PTK2B: variants seen among roughly 807,000 people sequenced by gnomAD.
PTK2B encodes the protein protein-tyrosine kinase 2-beta.
In PTK2B, 71 loss-of-function variants were observed where a neutral mutation model predicts 142.9. The ratio of observed to expected loss-of-function variants is 0.50; its 90% confidence interval spans 0.41 to 0.61. The LOEUF is 0.61. Among genes scored for constraint, PTK2B ranks in the 20% least tolerant of loss-of-function variants. PTK2B has a pLI of 0.00. For synonymous variants in PTK2B, 519 were observed against 503.4 expected (o/e 1.03, Z -0.42); for missense variants, 1,105 against 1,320.4 (o/e 0.84, Z 2.53).
At position 27,363,342 on chromosome 8, in the gene PTK2B, G is replaced by A. The variant is rs145641073; in HGVS notation, c.-37-34206G>A. Among the ~76,000 whole-genome samples the A allele has an allele frequency of 1.4e-3, 208 of 152,334 alleles. 1 individual carries two copies. Among genetic ancestry groups the A allele is most frequent in the African/African-American group, 4.8e-3 (198 of 41,578 alleles). ...TTTTCCACTAGTGAAAGGTCAGGAGGTGGAAGTGAGATGGGTTTTGTTCTG... is the reference window on the plus strand; with the variant it reads ...TTTTCCACTAGTGAAAGGTCAGGAGATGGAAGTGAGATGGGTTTTGTTCTG... On this transcript the variant is annotated intron_variant, in intron 1 of 30. Coordinates refer to ENST00000346049, the MANE Select transcript of PTK2B (RefSeq NM_173176.3). The surrounding 1 kb of genome is among the most constrained non-coding windows in gnomAD (Gnocchi z 4.3).
rs116993936 is a variant in PTK2B, at chr8:27,392,797, A to G, written c.-37-4751A>G. Among the ~76,000 whole-genome samples, 5 of 152,210 alleles carry G rather than the reference A, an allele frequency of 3.3e-5. No homozygotes were observed. The East Asian group carries it at 7.7e-4, about 24-fold the overall frequency. Reference sequence around the variant, plus strand: ...GTCTACAGCTCAGAGTTTTGGGTGCACTTGAGGAAGTTGCCATGTGTCAAT... The same window carrying G: ...GTCTACAGCTCAGAGTTTTGGGTGCGCTTGAGGAAGTTGCCATGTGTCAAT... On this transcript the variant is annotated intron_variant, in intron 1 of 30. Transcript: ENST00000346049.
chr8:27,310,766 C>G, upstream of PTK2B: 3 of 1,539,920 alleles, frequency 1.9e-6, no homozygotes, highest in Non-Finnish European at 2.6e-6. Flanking sequence ...GTTCCAGACC[C>G]GGCTCGGCCG....
At chr8:27,454,395 C>A in intron 29 of PTK2B, 104 bp downstream of exon 29, 1 of 1,551,954 alleles carries the variant, frequency 6.4e-7, no homozygotes, top group African/African-American at 1.4e-5. Flanking sequence ...CCTCTTAGAG[C>A]AAGCTGGGCC....
At chr8:27,327,231 T>A (rs1586082137) in intron 1 of PTK2B, among the ~76,000 whole-genome samples, 1 of 151,768 alleles carries the variant, frequency 6.6e-6, no homozygotes, top group Non-Finnish European at 1.5e-5. Flanking sequence ...GCTGCAGGGG[T>A]GAGTGGAGAC....
chr8:27,432,147 TCTCCCAGAGAAA>T (rs1276032843), intron 9 of PTK2B, 101 bp from the exon 10 acceptor site: 45 of 855,598 alleles, frequency 5.3e-5, no homozygotes, highest in Admixed American at 3.8e-4. Flanking sequence ...TCTCTCTTCA[TCTCCCAGAGAAA>T]CTCCCAGTTC....
intron 19 of PTK2B, 88 bp from the exon 20 acceptor site, chr8:27,439,221 C>G (rs1173365024): frequency 1.3e-6 from 2 of 1,564,200 alleles, no homozygotes; most frequent in Non-Finnish European, 1.8e-6. Context: ...TTGGACAGCC[C>G]AGGCTAAGGG....
At chr8:27,335,599 A>G (rs1804009449) in intron 1 of PTK2B, among the ~76,000 whole-genome samples, 1 of 150,958 alleles carries the variant, frequency 6.6e-6, no homozygotes, top group African/African-American at 2.4e-5. Context: ...CTGTCTCAAA[A>G]AAAAAAAAAA....
chr8:27,434,659 G>C, intron 13 of PTK2B, 100 bp downstream of exon 13: 9 of 1,332,622 alleles, frequency 6.8e-6, no homozygotes, highest in Non-Finnish European at 9.3e-6. Flanking sequence ...TCCTCCAAGT[G>C]ACAGAAAAAT....
chr8:27,438,347 G>C (rs972880025), intron 18 of PTK2B, among the ~76,000 whole-genome samples: 3 of 152,130 alleles, frequency 2.0e-5, no homozygotes, highest in Admixed American at 6.5e-5. Flanking sequence ...TGGCTGTGGA[G>C]TTGGCCCCTG....
rs371375403 is a variant in PTK2B at position 27,450,829 on chromosome 8, C to G, written c.2421C>G (p.Ile807Met). Residue 807 changes from isoleucine to methionine, a missense_variant, in exon 25 of 31, where the codon ATC becomes ATG. Transcript: ENST00000346049. ...WEAEKVKMRQ[I>M]LDKQQKQMVE... ...CTGAAAAGGTCAAAATGCGGCAAATCCTGGACAAACAGCAGAAGCAGATGG... is the reference window on the plus strand; with the variant it reads ...CTGAAAAGGTCAAAATGCGGCAAATGCTGGACAAACAGCAGAAGCAGATGG... The G allele has an allele frequency of 1.9e-5, 30 of 1,614,064 alleles. No homozygotes were observed. The highest frequency in any genetic ancestry group is 2.5e-5 in the Non-Finnish European group (30 of 1,180,046).
At chr8:27,441,806 G>A (rs936964513) in intron 21 of PTK2B, among the ~76,000 whole-genome samples, 4 of 152,216 alleles carry the variant, frequency 2.6e-5, no homozygotes, top group African/African-American at 9.7e-5. Flanking sequence ...GCCCTGGGGG[G>A]ATGGAGCTGG....
At chr8:27,434,705 A>G in intron 13 of PTK2B, 146 bp downstream of exon 13, 5 of 981,510 alleles carry the variant, frequency 5.1e-6, no homozygotes, top group Non-Finnish European at 7.4e-6. Flanking sequence ...ATGGCTTTAA[A>G]ATATCGTGAA....
intron 14 of PTK2B, 143 bp from the exon 15 acceptor site, chr8:27,436,108 C>A: frequency 1.2e-6 from 1 of 807,992 alleles, no homozygotes; most frequent in Non-Finnish European, 2.0e-6. Flanking sequence ...TTCTAGACCC[C>A]CATTTCCCCA....
intron 30 of PTK2B, among the ~76,000 whole-genome samples, chr8:27,454,840 G>A (rs1288290613): frequency 9.9e-5 from 15 of 152,176 alleles, no homozygotes; most frequent in Non-Finnish European, 2.9e-5. Context: ...TCCAGATGAC[G>A]GCAGTGAATT....
chr8:27,334,874 G>T (rs1803967215), intron 1 of PTK2B, among the ~76,000 whole-genome samples: 1 of 152,176 alleles, frequency 6.6e-6, no homozygotes, highest in Non-Finnish European at 1.5e-5. Flanking sequence ...AGCCGAGAGA[G>T]AGGGAGTCAG....
intron 2 of PTK2B, among the ~76,000 whole-genome samples, chr8:27,403,009 G>A (rs1808472859): frequency 6.6e-6 from 1 of 152,232 alleles, no homozygotes; most frequent in Admixed American, 6.5e-5. Context: ...GTGTGGGGAT[G>A]CAGTGTCCAG....
chr8:27,407,806 C>G (rs1433866258), intron 2 of PTK2B, among the ~76,000 whole-genome samples: 2 of 152,122 alleles, frequency 1.3e-5, no homozygotes, highest in Non-Finnish European at 2.9e-5. Flanking sequence ...TTCATCCTTC[C>G]CCCCTTACCC....
chr8:27,406,954 G>GAA (rs1808753113), intron 2 of PTK2B, among the ~76,000 whole-genome samples: 1 of 152,072 alleles, frequency 6.6e-6, no homozygotes, highest in Non-Finnish European at 1.5e-5. Context: ...GACTTTGGGG[G>GAA]GAAAAATCTG....
At chr8:27,426,457 G>A (rs878856125) in intron 5 of PTK2B, among the ~76,000 whole-genome samples, 1 of 152,226 alleles carries the variant, frequency 6.6e-6, no homozygotes, top group Non-Finnish European at 1.5e-5. Flanking sequence ...AGACGTGGGT[G>A]CCCCTGGAGA....
Sources: allele counts gnomAD v4.1 joint callset (sites outside exome capture counted in the v4.1 genomes callset), GRCh38; gene constraint gnomAD v4.1.1; non-coding constraint Gnocchi (gnomAD v3.1); transcripts MANE v1.5; gene names NCBI Gene and HGNC (gene_info 2026-07-23, HGNC 2026-07-21).